Variants in CACNA1I observed in about 807,000 individuals in gnomAD.
CACNA1I encodes the protein voltage-dependent T-type calcium channel subunit alpha-1I.
A neutral mutation model predicts 201.6 loss-of-function variants in CACNA1I; 74 were observed. The ratio of observed to expected loss-of-function variants is 0.37; its 90% CI spans 0.30 to 0.45. The LOEUF (loss-of-function observed/expected upper bound fraction) is 0.45, where lower values mean the gene tolerates loss of function less well. Among genes scored for constraint, CACNA1I ranks in the 20% least tolerant of loss-of-function variants. The pLI is 1.00. For missense variants in CACNA1I, 2,346 were observed against 3,138.1 expected (o/e 0.75, Z 6.03); for synonymous variants, 1,431 against 1,345.2 (o/e 1.06, Z -1.40).
At chr22:39,622,461 C>A (rs1933773943) in intron 4 of CACNA1I, among the ~76,000 whole-genome samples, 1 of 151,472 alleles carries the variant, frequency 6.6e-6, no homozygotes, top group African/African-American at 2.4e-5. Context: ...GGGTTACAGG[C>A]TGGGTGGACC....
chr22:39,589,100 C>CGAT (rs1421639799), intron 1 of CACNA1I, among the ~76,000 whole-genome samples: 1 of 152,180 alleles, frequency 6.6e-6, no homozygotes, highest in African/African-American at 2.4e-5. Flanking sequence ...TGCCGGTGTC[C>CGAT]TATCCCCTCA....
At chr22:39,624,967 G>A (rs1028430680) in intron 4 of CACNA1I, among the ~76,000 whole-genome samples, 1 of 149,390 alleles carries the variant, frequency 6.7e-6, no homozygotes, top group Non-Finnish European at 1.5e-5. Context: ...GGAGTGCAGT[G>A]GCATGATCTT....
Position 39,659,623 on chromosome 22 carries a change from C to T in CACNA1I, c.2448+73C>T, listed in dbSNP as rs1934935998. On this transcript the variant is annotated intron_variant, in intron 13 of 36. Coordinates refer to ENST00000402142, the MANE Select transcript of CACNA1I (RefSeq NM_021096.4). This position sits in a 1 kb window ranked among gnomAD's most constrained non-coding sequence, Gnocchi z 4.3. ...GTAGGCCTGGGAGGGGCGGGGCTGA[C>T]AACTCCCATGCCTCCTTGTAGAGCC... 2 of 1,602,278 alleles carry T rather than the reference C, an allele frequency of 1.2e-6. No individual in the cohort carries two copies. The highest frequency in any genetic ancestry group is 1.1e-5 in the South Asian group (1 of 90,810).
chr22:39,573,497 A>G (rs1932250384), intron 1 of CACNA1I, among the ~76,000 whole-genome samples: 1 of 151,654 alleles, frequency 6.6e-6, no homozygotes, highest in African/African-American at 2.4e-5. Flanking sequence ...CATGTGTGTG[A>G]CCCTGGGCAG....
chr22:39,580,682 G>A (rs573011160), intron 1 of CACNA1I, among the ~76,000 whole-genome samples: 1 of 152,282 alleles, frequency 6.6e-6, no homozygotes, highest in African/African-American at 2.4e-5. Flanking sequence ...TCAAATGCCA[G>A]GTTAGAGCTT....
intron 1 of CACNA1I, among the ~76,000 whole-genome samples, chr22:39,582,551 G>A (rs946072687): frequency 2.0e-5 from 3 of 152,132 alleles, no homozygotes; most frequent in Non-Finnish European, 4.4e-5. Context: ...TTGAAGCTCT[G>A]AAAGTGTAGA....
At chr22:39,662,515 G>C (rs1324625765) in intron 17 of CACNA1I, 80 bp downstream of exon 17, 1 of 1,126,412 alleles carries the variant, frequency 8.9e-7, no homozygotes, top group African/African-American at 1.6e-5. Flanking sequence ...GGCGGGGCCC[G>C]AGCGGGCGGG....
chr22:39,684,817 G>T lies in CACNA1I; in HGVS notation c.6027+319G>T. The T allele has an allele frequency of 1.8e-6, 1 of 560,970 alleles. No individual in the cohort carries two copies. Among genetic ancestry groups the T allele is most frequent in the Non-Finnish European group, 3.2e-6 (1 of 315,966 alleles). The allele number at this position is 560,970 out of a possible 1,614,324, so 34.7% of individuals were successfully genotyped here. The stretch of plus-strand genomic sequence containing the variant: ...AGGAGGAGTACTGGAGGTTTTGCAG[G>T]GTGGCGGGGTGCTGGCAGTGGGGAG... On this transcript the variant is annotated intron_variant, in intron 36 of 36. Coordinates refer to ENST00000402142, the MANE Select transcript of CACNA1I (RefSeq NM_021096.4). This position sits in a 1 kb window ranked among gnomAD's most constrained non-coding sequence, Gnocchi z 4.6.
At chr22:39,591,018 A>ATT (rs1176086064) in intron 1 of CACNA1I, among the ~76,000 whole-genome samples, 1,639 of 147,058 alleles carry the variant, frequency 0.011, 42 homozygotes, top group African/African-American at 0.038. Flanking sequence ...TAATTAAAAA[A>ATT]TTTTTTTTTT....
At chr22:39,646,940 T>C in intron 8 of CACNA1I, 59 bp downstream of exon 8, 1 of 1,442,620 alleles carries the variant, frequency 6.9e-7, no homozygotes, top group Non-Finnish European at 9.1e-7. Flanking sequence ...GTCACTCCTT[T>C]CCAGCACGTC....
At chr22:39,606,392 G>C (rs1933220970) in intron 3 of CACNA1I, among the ~76,000 whole-genome samples, 2 of 152,302 alleles carry the variant, frequency 1.3e-5, no homozygotes, top group Middle Eastern at 3.4e-3. Flanking sequence ...TTGGAGTCCT[G>C]AGGCAGCCGC....
Position 39,609,217 on chromosome 22 carries a change from G to A in CACNA1I, c.482+8564G>A, listed in dbSNP as rs150148244. Among the ~76,000 whole-genome samples the A allele has an allele frequency of 4.3e-4, 65 of 152,356 alleles. 1 individual carries two copies. In the East Asian group the frequency reaches 0.012, roughly 28 times the overall value. The stretch of plus-strand genomic sequence containing the variant: ...CCTCACAGATGAGGCAGTGACAGGA[G>A]TAACTTGCCTGAGGTCACAGGCTGG... On this transcript the variant is annotated intron_variant, in intron 3 of 36. Coordinates refer to ENST00000402142, the MANE Select transcript of CACNA1I (RefSeq NM_021096.4).
rs114872398 is a variant in CACNA1I, at chr22:39,608,169, G to T, written c.482+7516G>T. Among the ~76,000 whole-genome samples the T allele has an allele frequency of 5.0e-3, 760 of 151,388 alleles. 7 individuals are homozygous for T. Among genetic ancestry groups the T allele is most frequent in the African/African-American group, 0.018 (739 of 41,194 alleles). On this transcript the variant is annotated intron_variant, in intron 3 of 36. Transcript: ENST00000402142. ...ATACAAATTCAAAAATTAGCCAGGC[G>T]CAGTGGCGCACACCTGTAGTCCCAG...
chr22:39,599,776 C>T (rs553470304), intron 2 of CACNA1I, among the ~76,000 whole-genome samples: 2 of 152,182 alleles, frequency 1.3e-5, no homozygotes, highest in African/African-American at 2.4e-5. Flanking sequence ...GTGAGTTCAC[C>T]GAACAAGCAC....
intron 35 of CACNA1I, among the ~76,000 whole-genome samples, chr22:39,683,845 C>T (rs994030198): frequency 6.6e-5 from 10 of 152,194 alleles, no homozygotes; most frequent in African/African-American, 2.2e-4. Context: ...CCCAACCCAC[C>T]TGCTGTCCCA....
At chr22:39,575,532 T>C (rs1403827045) in intron 1 of CACNA1I, among the ~76,000 whole-genome samples, 4 of 152,156 alleles carry the variant, frequency 2.6e-5, no homozygotes, top group Admixed American at 1.3e-4. Flanking sequence ...GGTCTTTAGA[T>C]AGAACATAAC....
intron 18 of CACNA1I, 21 bp from the exon 19 acceptor site, chr22:39,663,697 G>GCGGCC: frequency 6.3e-7 from 1 of 1,592,616 alleles, no homozygotes. Flanking sequence ...CGCTCAGGCA[G>GCGGCC]CCCCCGCCCA....
Position 39,677,800 on chromosome 22 carries a change from A to G in CACNA1I, c.4934-187A>G, listed in dbSNP as rs757636488. The stretch of plus-strand genomic sequence containing the variant: ...TTCGGCGGGGAGCAGAGCCAGACTC[A>G]CCCAAACCTGAGCCCCAGCTCATGT... On this transcript the variant is annotated intron_variant, in intron 30 of 36. Coordinates refer to ENST00000402142, the MANE Select transcript of CACNA1I (RefSeq NM_021096.4). The surrounding 1 kb of genome is among the most constrained non-coding windows in gnomAD (Gnocchi z 4.8). 1.3e-5 allele frequency among the ~76,000 whole-genome samples: 2 copies of G among 152,090 alleles called. No individual in the cohort carries two copies. The highest frequency in any genetic ancestry group is 3.9e-4 in the East Asian group (2 of 5,172).
chr22:39,655,019 G>A (rs563445289), intron 10 of CACNA1I, among the ~76,000 whole-genome samples: 17 of 152,174 alleles, frequency 1.1e-4, no homozygotes, highest in Non-Finnish European at 2.2e-4. Context: ...TGGAGGTGGG[G>A]ATGTGGCCAG....
Sources: allele counts gnomAD v4.1 joint callset (sites outside exome capture counted in the v4.1 genomes callset), GRCh38; gene constraint gnomAD v4.1.1; non-coding constraint Gnocchi (gnomAD v3.1); transcripts MANE v1.5; gene names NCBI Gene and HGNC (gene_info 2026-07-23, HGNC 2026-07-21).